Variants in UNC13C observed in about 807,000 individuals in gnomAD.
UNC13C encodes protein unc-13 homolog C.
A neutral mutation model predicts 245.4 loss-of-function variants in UNC13C; 174 were observed. The ratio of observed to expected loss-of-function variants is 0.71; its 90% confidence interval spans 0.63 to 0.80. UNC13C has a LOEUF of 0.80. UNC13C is among the 30% of genes least tolerant of loss of function. The probability of loss-of-function intolerance (pLI) is 0.00; values close to 1 mark genes in which losing one functional copy is unlikely to be tolerated. For missense variants in UNC13C, 2,829 were observed against 2,602.9 expected (o/e 1.09, Z -1.89); for synonymous variants, 992 against 895.1 (o/e 1.11, Z -1.93).
chr15:54,035,991 C>G lies in UNC13C; in HGVS notation c.2983+20105C>G, dbSNP rs367953220. On this transcript the variant is annotated intron_variant, in intron 2 of 32. Coordinates refer to ENST00000260323, the MANE Select transcript of UNC13C (RefSeq NM_001080534.3). ...TTCAGGGATTTTGTAGTCTTCCCAT[C>G]TAGGAATTGAGGTTATAAAGAATTA... Among the ~76,000 whole-genome samples, 14 of 152,254 alleles carry G rather than the reference C, an allele frequency of 9.2e-5. No individual in the cohort carries two copies. The East Asian group carries it at 1.9e-3, about 21-fold the overall frequency.
intron 2 of UNC13C, among the ~76,000 whole-genome samples, chr15:54,108,404 G>C (rs963616739): frequency 6.6e-6 from 1 of 152,038 alleles, no homozygotes; most frequent in African/African-American, 2.4e-5. Flanking sequence ...AGCCAGGATG[G>C]TCTCAGTCTC....
intron 2 of UNC13C, among the ~76,000 whole-genome samples, chr15:54,038,124 A>ATATATTTTTTTTTTTTTTTTTT: frequency 8.9e-5 from 4 of 45,034 alleles, no homozygotes; most frequent in Admixed American, 5.0e-4. Flanking sequence ...ATATATATAT[A>ATATATTTTTTTTTTTTTTTTTT]TTTTTTTTTT....
rs34179914 is a variant in UNC13C at position 54,332,305 on chromosome 15, CTGTGTGTG to C, written c.4494+220_4494+227del. 3.0e-3 allele frequency among the ~76,000 whole-genome samples: 433 copies of C among 145,674 alleles called. 2 individuals are homozygous for C. Among genetic ancestry groups the C allele is most frequent in the African/African-American group, 0.01 (405 of 39,166 alleles). On this transcript the variant is annotated intron_variant, in intron 15 of 32. Transcript: ENST00000260323. ...GCCCCACGTAGACTACAACAATACT[CTGTGTGTG>C]TGTGTGTGTGTGTGTGTGTGTGTGT...
the UNC13C span, chr15:53,913,471 C>G: frequency 6.6e-6 from 1 of 152,168 alleles, no homozygotes; most frequent in Non-Finnish European, 1.5e-5. Flanking sequence ...ATAACCACCC[C>G]CTGGACAGGG....
intron 30 of UNC13C, among the ~76,000 whole-genome samples, chr15:54,596,367 TTTG>T (rs145041806): frequency 0.042 from 6,324 of 152,226 alleles, 239 homozygotes; most frequent in Admixed American, 0.12. Context: ...GGAGGCCAGC[TTTG>T]TTGTTTTTAC....
At chr15:54,212,028 G>C (rs541444568) in intron 4 of UNC13C, among the ~76,000 whole-genome samples, 1 of 152,076 alleles carries the variant, frequency 6.6e-6, no homozygotes, top group South Asian at 2.1e-4. Context: ...AGATGCTTTA[G>C]CTTACACAAG....
chr15:54,577,149 T>C (rs1416174339), intron 30 of UNC13C, among the ~76,000 whole-genome samples: 1 of 152,064 alleles, frequency 6.6e-6, no homozygotes, highest in Non-Finnish European at 1.5e-5. Flanking sequence ...TAAAAGTAAG[T>C]GCCATTGGAG....
chr15:53,950,804 T>C, the UNC13C span, among the ~76,000 whole-genome samples: 1 of 152,146 alleles, frequency 6.6e-6, no homozygotes, highest in African/African-American at 2.4e-5. Context: ...TACCACATTT[T>C]GCATTGCTTA....
rs377753777 is a variant in UNC13C at position 54,332,019 on chromosome 15, C to T, written c.4426-24C>T. The stretch of plus-strand genomic sequence containing the variant: ...AGAGTGGTCATTTATTTCCATTCTC[C>T]TATTTTGTGTTTGCTTTGTACAGAG... On this transcript the variant is annotated intron_variant, in intron 14 of 32. Transcript: ENST00000260323. 6.6e-6 allele frequency: 10 copies of T among 1,511,472 alleles called. No homozygotes were observed. The African/African-American group carries it at 9.7e-5, about 15-fold the overall frequency. The allele number at this position is 1,511,472 out of a possible 1,614,324, so 93.6% of individuals were successfully genotyped here.
the UNC13C span, among the ~76,000 whole-genome samples, chr15:53,889,771 G>T: frequency 6.6e-6 from 1 of 152,144 alleles, no homozygotes; most frequent in Non-Finnish European, 1.5e-5. Flanking sequence ...GAAGGGTGTT[G>T]AATTTTGTCA....
At chr15:53,883,316 T>C in the UNC13C span, among the ~76,000 whole-genome samples, 1 of 152,256 alleles carries the variant, frequency 6.6e-6, no homozygotes. Context: ...TTTTCACTTC[T>C]GACATCAAAT....
At chr15:54,361,218 C>A (rs1282142879) in intron 17 of UNC13C, among the ~76,000 whole-genome samples, 1 of 151,716 alleles carries the variant, frequency 6.6e-6, no homozygotes, top group Non-Finnish European at 1.5e-5. Flanking sequence ...TTAATTATTT[C>A]CCTTCTTTGA....
chr15:54,222,522 T>C (rs2035256694), intron 4 of UNC13C, among the ~76,000 whole-genome samples: 1 of 152,148 alleles, frequency 6.6e-6, no homozygotes, highest in Non-Finnish European at 1.5e-5. Flanking sequence ...CTCCTAAGTC[T>C]TGGCTATTGT....
At chr15:54,440,175 C>G (rs1418435606) in intron 19 of UNC13C, among the ~76,000 whole-genome samples, 1 of 152,000 alleles carries the variant, frequency 6.6e-6, no homozygotes, top group African/African-American at 2.4e-5. Context: ...CTCCACTTCT[C>G]TCTCCTCCTG....
chr15:54,143,171 A>C, intron 3 of UNC13C, 131 bp downstream of exon 3: 1 of 907,432 alleles, frequency 1.1e-6, no homozygotes, highest in Non-Finnish European at 1.7e-6. Context: ...GCTTTCCATT[A>C]TTTGGTTGTC....
At chr15:54,625,935 C>A (rs888072193) in intron 32 of UNC13C, among the ~76,000 whole-genome samples, 1 of 152,158 alleles carries the variant, frequency 6.6e-6, no homozygotes, top group Non-Finnish European at 1.5e-5. Context: ...ATCCCCTAGA[C>A]TTCCATTTTC....
intron 19 of UNC13C, among the ~76,000 whole-genome samples, chr15:54,415,616 A>C (rs1026774012): frequency 1.3e-5 from 2 of 152,206 alleles, no homozygotes; most frequent in African/African-American, 4.8e-5. Flanking sequence ...TAGAGATAGA[A>C]CCATAGACCT....
intron 19 of UNC13C, among the ~76,000 whole-genome samples, chr15:54,442,402 T>C (rs201818991): frequency 6.6e-6 from 1 of 151,948 alleles, no homozygotes; most frequent in East Asian, 1.9e-4. Flanking sequence ...TTTGTATTTT[T>C]GTAGAGACCA....
At chr15:54,475,429 G>C (rs939725022) in intron 19 of UNC13C, among the ~76,000 whole-genome samples, 3 of 151,406 alleles carry the variant, frequency 2.0e-5, no homozygotes, top group Non-Finnish European at 2.9e-5. Flanking sequence ...TTAGCATTAG[G>C]TATATCTCCT....
Sources: allele counts gnomAD v4.1 joint callset (sites outside exome capture counted in the v4.1 genomes callset), GRCh38; gene constraint gnomAD v4.1.1; transcripts MANE v1.5; gene names NCBI Gene and HGNC (gene_info 2026-07-23, HGNC 2026-07-21).